The following GNL1 variants were observed in gnomAD, a reference collection of about 807,000 sequenced individuals.
The protein encoded by GNL1 is G protein nucleolar 1, also known as guanine nucleotide-binding protein-like 1.
GNL1 carries 21 observed loss-of-function variants against 75.2 expected under a neutral mutation model. The ratio of observed to expected loss-of-function variants is 0.28; its 90% CI spans 0.20 to 0.40. The LOEUF is 0.40. GNL1 is among the 10% of genes least tolerant of loss of function. The pLI, the probability that GNL1 is intolerant of heterozygous loss-of-function variation, is 1.00. For missense variants in GNL1, 579 were observed against 775.0 expected, an observed-to-expected ratio of 0.75 and a Z score of 3.00; for synonymous variants, 287 against 303.4, an observed-to-expected ratio of 0.95 and a Z score of 0.56.
In GNL1 at chr6:30,552,761, G is replaced by T; in HGVS notation, c.905-100C>A. The T allele has an allele frequency of 9.1e-7, 1 of 1,097,742 alleles. No individual in the cohort carries two copies. 68.0% of individuals were successfully genotyped at this position (1,097,742 alleles called of 1,614,324 possible). A position where few individuals can be genotyped will look rare whatever the true frequency, so the allele number is the denominator to read the frequency against. On this transcript the variant is annotated intron_variant, in intron 7 of 11. Transcript: ENST00000376621. This position sits in a 1 kb window ranked among gnomAD's most constrained non-coding sequence, Gnocchi z 4.5. ...ACAGATTATGTAACTGGCACCCTCT[G>T]GAGTTGTACAGTGCCAACCTAAATA... is the stretch of plus-strand genomic sequence containing the variant.
At position 30,546,769 on chromosome 6, in the gene GNL1, G is replaced by C. The variant is rs1280755622; in HGVS notation, c.1509C>G (p.Asn503Lys). 2 of 1,608,566 alleles carry C rather than the reference G, an allele frequency of 1.2e-6. No homozygotes were observed. Residue 503 changes from asparagine to lysine, a missense_variant, in exon 11 of 12, where the codon AAC (asparagine) becomes AAG (lysine). Transcript: ENST00000376621. The surrounding 1 kb of genome is among the most constrained non-coding windows in gnomAD (Gnocchi z 5.1). Reference protein sequence around the residue: ...AARNDVYRAANSLLRLAVDGR... With the variant: ...AARNDVYRAAKSLLRLAVDGR... Reference sequence around the variant, plus strand: ...CGTCCACTGCCAGCCGCAAGAGACTGTTGGCTGCTCTGTACACATCATTCC... The same window carrying C: ...CGTCCACTGCCAGCCGCAAGAGACTCTTGGCTGCTCTGTACACATCATTCC...
Position 30,555,517 on chromosome 6 carries a change from G to T in GNL1, c.239+38C>A. The T allele has an allele frequency of 1.3e-6, 2 of 1,582,010 alleles. No individual in the cohort carries two copies. The highest frequency in any genetic ancestry group is 1.7e-5 in the Admixed American group (1 of 57,926). On this transcript the variant is annotated intron_variant, in intron 2 of 11. Coordinates refer to ENST00000376621, the MANE Select transcript of GNL1 (RefSeq NM_005275.5). This position sits in a 1 kb window ranked among gnomAD's most constrained non-coding sequence, Gnocchi z 4.3. ...CCCCAAAGCTCTGACTTCCGGGTAGGCGGGAAAGCCGGGACCAGCGCCCCC... is the reference window on the plus strand; with the variant it reads ...CCCCAAAGCTCTGACTTCCGGGTAGTCGGGAAAGCCGGGACCAGCGCCCCC...
chr6:30,549,146 C>G (rs575069361), intron 8 of GNL1, among the ~76,000 whole-genome samples: 3 of 152,038 alleles, frequency 2.0e-5, no homozygotes. Context: ...CACAGGCGTG[C>G]GGCTCCACAC....
At chr6:30,551,628 AG>A (rs1401760979) in intron 8 of GNL1, among the ~76,000 whole-genome samples, 3 of 152,152 alleles carry the variant, frequency 2.0e-5, no homozygotes, top group Non-Finnish European at 4.4e-5. Flanking sequence ...ACAAACTTAA[AG>A]GGTTAAAACC....
rs781143418 is a variant in GNL1 at position 30,556,226 on chromosome 6, C to T, written c.-23G>A. On this transcript the variant is annotated 5_prime_UTR_variant, in exon 1 of 12. Transcript: ENST00000376621. The surrounding 1 kb of genome is among the most constrained non-coding windows in gnomAD (Gnocchi z 5.7). ...CATGGCCCGGACCAGTCACCTGGCC[C>T]GCCCTCCGCCGAGCTCCCGCCGCCT... The T allele has an allele frequency of 6.2e-7, 1 of 1,600,338 alleles. No homozygotes were observed. The highest frequency in any genetic ancestry group is 1.7e-5 in the Admixed American group (1 of 59,976).
rs1345403786 is a variant in GNL1 at position 30,552,654 on chromosome 6, C to T, written c.912G>A (p.Leu304=). The change falls in exon 8 of 12, where the codon TTG becomes TTA. Residue 304 remains leucine (L), a synonymous_variant. Transcript: ENST00000376621. This position sits in a 1 kb window ranked among gnomAD's most constrained non-coding sequence, Gnocchi z 4.5. ...GAGCAATCTTCTCCCGCCAGCTGCTCAAGTCCACTGCTCAAAGAAGGAGAA... is the reference window on the plus strand; with the variant it reads ...GAGCAATCTTCTCCCGCCAGCTGCTTAAGTCCACTGCTCAAAGAAGGAGAA... ...CEAITVGKVD[L]SSWREKIARD... is the part of the protein sequence containing the mutation. 1 of 1,612,992 alleles carries T rather than the reference C, an allele frequency of 6.2e-7. No individual in the cohort carries two copies. Among genetic ancestry groups the T allele is most frequent in the East Asian group, 2.2e-5 (1 of 44,878 alleles).
rs1435996352 is a variant in GNL1 at position 30,547,018 on chromosome 6, G to C, written c.1441+94C>G. On this transcript the variant is annotated intron_variant, in intron 10 of 11. Coordinates refer to ENST00000376621, the MANE Select transcript of GNL1 (RefSeq NM_005275.5). This position sits in a 1 kb window ranked among gnomAD's most constrained non-coding sequence, Gnocchi z 5.5. ...GCTTCATCAATGGCAGAATCTCTGA[G>C]GAGAGGAAAGGAGACAGGGAAGGGT... The C allele has an allele frequency of 2.4e-6, 3 of 1,242,550 alleles. No homozygotes were observed. The African/African-American group carries it at 4.4e-5, about 18-fold the overall frequency. The allele number at this position is 1,242,550 out of a possible 1,614,324, so 77.0% of individuals were successfully genotyped here.
intron 5 of GNL1, 58 bp from the exon 6 acceptor site, chr6:30,553,615 T>G: frequency 1.7e-6 from 2 of 1,184,120 alleles, no homozygotes; most frequent in Non-Finnish European, 2.5e-6. Flanking sequence ...GTTCTCTGCC[T>G]CCAGCTCCCC....
rs146068139 is a variant in GNL1 at position 30,552,644 on chromosome 6, G to A, written c.922C>T (p.Arg308Trp). The part of the protein sequence containing the change: ...TVGKVDLSSW[R>W]EKIARDVAGA... ...GCCACATCCCGAGCAATCTTCTCCC[G>A]CCAGCTGCTCAAGTCCACTGCTCAA... is the stretch of plus-strand genomic sequence containing the variant. Residue 308 changes from arginine (R) to tryptophan (W), a missense_variant, in exon 8 of 12, where the codon CGG becomes TGG. Physicochemically the swap from Arg to Trp is moderately radical, Grantham distance 101. Transcript: ENST00000376621. The surrounding 1 kb of genome is among the most constrained non-coding windows in gnomAD (Gnocchi z 4.5). 760 of 1,613,212 alleles carry A rather than the reference G, an allele frequency of 4.7e-4. 3 individuals are homozygous for A. Among genetic ancestry groups the A allele is most frequent in the Admixed American group, 3.0e-3 (180 of 59,966 alleles).
chr6:30,546,510 A>G lies in GNL1; in HGVS notation c.1582+186T>C. On this transcript the variant is annotated intron_variant, in intron 11 of 11. Transcript: ENST00000376621. The surrounding 1 kb of genome is among the most constrained non-coding windows in gnomAD (Gnocchi z 5.1). ...TTTGTGCACATCAACTTCAATCTTTACAATCACTATGCTAAGGGTCAATTA... is the reference window on the plus strand; with the variant it reads ...TTTGTGCACATCAACTTCAATCTTTGCAATCACTATGCTAAGGGTCAATTA... The G allele has an allele frequency of 1.5e-6, 1 of 675,554 alleles. No individual in the cohort carries two copies. Among genetic ancestry groups the G allele is most frequent in the East Asian group, 2.7e-5 (1 of 37,354 alleles). 41.8% of individuals were successfully genotyped at this position (675,554 alleles called of 1,614,324 possible).
Position 30,546,193 on chromosome 6 carries a change from CCCT to C in GNL1, c.1700_1702del (p.Glu567del), listed in dbSNP as rs765976450. 1 of 1,545,566 alleles carries C rather than the reference CCCT, an allele frequency of 6.5e-7. No homozygotes were observed. The highest frequency in any genetic ancestry group is 8.8e-7 in the Non-Finnish European group (1 of 1,135,654). The stretch of plus-strand genomic sequence containing the variant: ...CTCATCCGCATCCCGGTCCTCCTCT[CCCT>C]CCTCCTCACAGGAGCTGCTCAGCTC... On this transcript the variant is annotated inframe_deletion, in exon 12 of 12. Transcript: ENST00000376621. The surrounding 1 kb of genome is among the most constrained non-coding windows in gnomAD (Gnocchi z 5.1).
rs1799243089 is a variant in GNL1 at position 30,542,807 on chromosome 6, T to C, written c.*3265A>G. On this transcript the variant is annotated 3_prime_UTR_variant, in exon 12 of 12. Transcript: ENST00000376621. The surrounding 1 kb of genome is among the most constrained non-coding windows in gnomAD (Gnocchi z 4.5). Reference sequence around the variant, plus strand: ...AGTCTCCACACTGCAACCATAGTGATCTAAGGCACAATTCTCACCTTTTCA... The same window carrying C: ...AGTCTCCACACTGCAACCATAGTGACCTAAGGCACAATTCTCACCTTTTCA... 6.6e-6 allele frequency: 1 copy of C among 152,256 alleles called. No individual in the cohort carries two copies. The highest frequency in any genetic ancestry group is 1.9e-4 in the East Asian group (1 of 5,200). The allele number at this position is 152,256 out of a possible 1,614,324, so 9.4% of individuals were successfully genotyped here.
At chr6:30,553,310 C>T (rs1228557301) in intron 6 of GNL1, 40 bp downstream of exon 6, 1 of 1,551,078 alleles carries the variant, frequency 6.4e-7, no homozygotes, top group Non-Finnish European at 8.9e-7. Context: ...CCCCTGCCAA[C>T]TCACCTCTCC....
chr6:30,552,558 G>C lies in GNL1; in HGVS notation c.1008C>G (p.Val336=). ...EEEEEEDGPA[V]LVEQQTDSAM... ...CTGAATCAGTCTGCTGCTCCACCAGGACTGCTGGGCCATCCTCCTCTTCCT... is the reference window on the plus strand; with the variant it reads ...CTGAATCAGTCTGCTGCTCCACCAGCACTGCTGGGCCATCCTCCTCTTCCT... The change falls in exon 8 of 12, where the codon GTC becomes GTG. Residue 336 remains valine (V), a synonymous_variant. Transcript: ENST00000376621. This position sits in a 1 kb window ranked among gnomAD's most constrained non-coding sequence, Gnocchi z 4.5. 1 of 1,614,098 alleles carries C rather than the reference G, an allele frequency of 6.2e-7. No homozygotes were observed. Among genetic ancestry groups the C allele is most frequent in the Non-Finnish European group, 8.5e-7 (1 of 1,179,994 alleles).
Position 30,552,439 on chromosome 6 carries a change from C to T in GNL1, c.1099+28G>A. ...GAAAACTCTGTACCTCCTTGGAGGC[C>T]ACCACGCACAAGCTGCCACTTCCTT... On this transcript the variant is annotated intron_variant, in intron 8 of 11. Coordinates refer to ENST00000376621, the MANE Select transcript of GNL1 (RefSeq NM_005275.5). This position sits in a 1 kb window ranked among gnomAD's most constrained non-coding sequence, Gnocchi z 4.5. 9 of 1,584,510 alleles carry T rather than the reference C, an allele frequency of 5.7e-6. No individual in the cohort carries two copies. Among genetic ancestry groups the T allele is most frequent in the Non-Finnish European group, 7.8e-6 (9 of 1,157,196 alleles).
In GNL1 at chr6:30,552,481, G is replaced by A. The variant is rs1185977601; in HGVS notation, c.1085C>T (p.Thr362Ile). The A allele has an allele frequency of 6.2e-7, 1 of 1,613,268 alleles. No individual in the cohort carries two copies. The highest frequency in any genetic ancestry group is 1.1e-5 in the South Asian group (1 of 91,012). The change falls in exon 8 of 12, where the codon ACC (threonine) becomes ATC (isoleucine). Residue 362 changes from threonine to isoleucine, a missense_variant. Physicochemically the swap from Thr to Ile is moderately conservative, Grantham distance 89. Coordinates refer to ENST00000376621, the MANE Select transcript of GNL1 (RefSeq NM_005275.5). The surrounding 1 kb of genome is among the most constrained non-coding windows in gnomAD (Gnocchi z 4.5). ...TQERYKDGVV[T>I]IGCVGFPNVG... ...CACTTCCTTACCCACACAGCCGATGGTCACCACCCCATCCTTGTAGCGCTC... is the reference window on the plus strand; with the variant it reads ...CACTTCCTTACCCACACAGCCGATGATCACCACCCCATCCTTGTAGCGCTC...
intron 8 of GNL1, among the ~76,000 whole-genome samples, chr6:30,550,063 T>G (rs1799680313): frequency 6.6e-6 from 1 of 152,116 alleles, no homozygotes; most frequent in South Asian, 2.1e-4. Context: ...TGGCCTCAAG[T>G]GATCCACCTG....
In GNL1 at chr6:30,547,089, G is replaced by A. The variant is rs1195979926; in HGVS notation, c.1441+23C>T. 1.3e-5 allele frequency: 21 copies of A among 1,604,956 alleles called. No homozygotes were observed. The African/African-American group carries it at 1.5e-4, about 11-fold the overall frequency. On this transcript the variant is annotated intron_variant, in intron 10 of 11. Coordinates refer to ENST00000376621, the MANE Select transcript of GNL1 (RefSeq NM_005275.5). This position sits in a 1 kb window ranked among gnomAD's most constrained non-coding sequence, Gnocchi z 5.5. ...AAGAGCAGCTGAAACCAGGTGGGGCGAAGCCAGGCACATGGAACTCACCTT... is the reference window on the plus strand; with the variant it reads ...AAGAGCAGCTGAAACCAGGTGGGGCAAAGCCAGGCACATGGAACTCACCTT...
intron 6 of GNL1, 70 bp downstream of exon 6, chr6:30,553,280 C>T: frequency 2.7e-6 from 4 of 1,465,866 alleles, no homozygotes; most frequent in African/African-American, 2.8e-5. Flanking sequence ...GTCAATAAGC[C>T]TCTCTGTTCT....
Sources: gnomAD v4.1 joint callset for allele counts (sites outside exome capture counted in the v4.1 genomes callset) on GRCh38, gnomAD v4.1.1 for gene constraint, Gnocchi (gnomAD v3.1) non-coding constraint, MANE v1.5 for transcripts, NCBI Gene and HGNC (gene_info 2026-07-23, HGNC 2026-07-21) for gene names.